ADAMTS19: variants seen among roughly 807,000 people sequenced by gnomAD.
The protein encoded by ADAMTS19 is ADAM metallopeptidase with thrombospondin type 1 motif 19, also known as A disintegrin and metalloproteinase with thrombospondin motifs 19.
A neutral mutation model predicts 153.3 loss-of-function variants in ADAMTS19; 93 were observed. That is an observed-to-expected ratio of 0.61 (90% confidence interval 0.51 to 0.72). The LOEUF is 0.72. ADAMTS19 is among the 30% of genes least tolerant of loss of function. The pLI is 0.00. For missense variants in ADAMTS19, 1,482 were observed against 1,552.1 expected, an observed-to-expected ratio of 0.95 and a Z score of 0.76; for synonymous variants, 600 against 556.6, an observed-to-expected ratio of 1.08 and a Z score of -1.10.
intron 6 of ADAMTS19, among the ~76,000 whole-genome samples, chr5:129,551,428 A>G (rs968590535): frequency 1.3e-5 from 2 of 151,710 alleles, no homozygotes; most frequent in Admixed American, 6.6e-5. Flanking sequence ...CAGTCTTATG[A>G]TAGAAAATAT....
intron 2 of ADAMTS19, among the ~76,000 whole-genome samples, chr5:129,491,842 GTTAC>G (rs970440024): frequency 1.3e-5 from 2 of 152,036 alleles, no homozygotes; most frequent in Admixed American, 1.3e-4. Flanking sequence ...CATAGATTAT[GTTAC>G]TTAATTATTA....
chr5:129,481,221 C>T (rs1207320603), intron 2 of ADAMTS19, among the ~76,000 whole-genome samples: 1 of 152,084 alleles, frequency 6.6e-6, no homozygotes, highest in Non-Finnish European at 1.5e-5. Flanking sequence ...GGAACAGGCA[C>T]CTTCTTCACA....
chr5:129,527,960 C>T, intron 5 of ADAMTS19, 129 bp downstream of exon 5: 1 of 534,952 alleles, frequency 1.9e-6, no homozygotes, highest in Non-Finnish European at 3.3e-6. Flanking sequence ...TTAAAGTATA[C>T]ATAAAACTGG....
At chr5:129,526,696 C>T (rs1467684151) in intron 4 of ADAMTS19, among the ~76,000 whole-genome samples, 1 of 151,688 alleles carries the variant, frequency 6.6e-6, no homozygotes, top group Admixed American at 6.6e-5. Context: ...TTCTATGTTA[C>T]TCTTTTCTCT....
chr5:129,492,929 A>G (rs1324117970), intron 2 of ADAMTS19, among the ~76,000 whole-genome samples: 1 of 152,160 alleles, frequency 6.6e-6, no homozygotes, highest in East Asian at 1.9e-4. Flanking sequence ...TGAATATTAC[A>G]CTATATAGTT....
intron 7 of ADAMTS19, among the ~76,000 whole-genome samples, chr5:129,585,164 C>T (rs1396742949): frequency 2.6e-5 from 4 of 151,776 alleles, no homozygotes; most frequent in African/African-American, 7.2e-5. Flanking sequence ...GTTCCCCAAC[C>T]CCTTGCACTT....
Position 129,671,003 on chromosome 5 carries a change from A to C in ADAMTS19, c.2506+5424A>C, listed in dbSNP as rs148965710. ...TTACTTGTAGAAAGAAACACCATCT[A>C]TGCCCCTAAACAGACTGAATGCTGC... On this transcript the variant is annotated intron_variant, in intron 16 of 22. Transcript: ENST00000274487. Among the ~76,000 whole-genome samples the C allele has an allele frequency of 3.2e-3, 481 of 152,334 alleles. 2 individuals carry two copies. Among genetic ancestry groups the C allele is most frequent in the Middle Eastern group, 0.014 (4 of 294 alleles).
At chr5:129,562,605 C>A (rs77185896) in intron 7 of ADAMTS19, among the ~76,000 whole-genome samples, 1 of 152,094 alleles carries the variant, frequency 6.6e-6, no homozygotes, top group Non-Finnish European at 1.5e-5. Context: ...GATTGATAAT[C>A]AATGGGGATA....
At chr5:129,638,889 A>G (rs1467686760) in intron 10 of ADAMTS19, among the ~76,000 whole-genome samples, 2 of 152,186 alleles carry the variant, frequency 1.3e-5, no homozygotes, top group Admixed American at 6.5e-5. Flanking sequence ...AAATTTTATA[A>G]TATTTGTACA....
At chr5:129,705,443 G>A (rs1756106240) in intron 21 of ADAMTS19, among the ~76,000 whole-genome samples, 1 of 152,166 alleles carries the variant, frequency 6.6e-6, no homozygotes, top group Non-Finnish European at 1.5e-5. Context: ...TCATGATTAT[G>A]TATGCCTTTT....
At chr5:129,686,112 G>A (rs1755076165) in intron 18 of ADAMTS19, among the ~76,000 whole-genome samples, 1 of 152,144 alleles carries the variant, frequency 6.6e-6, no homozygotes, top group South Asian at 2.1e-4. Flanking sequence ...AAAGTCAATG[G>A]TCATGAATTT....
At chr5:129,595,938 T>G (rs1261343392) in intron 7 of ADAMTS19, among the ~76,000 whole-genome samples, 1 of 151,948 alleles carries the variant, frequency 6.6e-6, no homozygotes, top group African/African-American at 2.4e-5. Flanking sequence ...AAAGATCAAA[T>G]ATCTTGCTAA....
chr5:129,579,947 AAGT>A lies in ADAMTS19; in HGVS notation c.1373-16608_1373-16606del, dbSNP rs552778192. ...CTTTTTTGGCTCCATATGAAATTCA[AAGT>A]AGTTTTTTCTAATTCTGTGAAGAAA... On this transcript the variant is annotated intron_variant, in intron 7 of 22. Transcript: ENST00000274487. Among the ~76,000 whole-genome samples the A allele has an allele frequency of 2.6e-5, 4 of 152,206 alleles. No homozygotes were observed. In the South Asian group the frequency reaches 8.3e-4, roughly 32 times the overall value.
chr5:129,535,972 T>G (rs1160367394), intron 6 of ADAMTS19, among the ~76,000 whole-genome samples: 1 of 152,128 alleles, frequency 6.6e-6, no homozygotes, highest in African/African-American at 2.4e-5. Flanking sequence ...GAAGAACACC[T>G]AGGCAATACC....
chr5:129,475,224 A>G (rs1405332651), intron 2 of ADAMTS19, among the ~76,000 whole-genome samples: 1 of 152,060 alleles, frequency 6.6e-6, no homozygotes, highest in African/African-American at 2.4e-5. Context: ...AAAGTTTTAC[A>G]TTCAATCCTA....
At chr5:129,644,559 A>G (rs1752970912) in intron 11 of ADAMTS19, among the ~76,000 whole-genome samples, 1 of 151,980 alleles carries the variant, frequency 6.6e-6, no homozygotes, top group Non-Finnish European at 1.5e-5. Context: ...AGGTTTATAT[A>G]CTCTTTATGG....
At chr5:129,660,902 G>A (rs1025440471) in intron 15 of ADAMTS19, among the ~76,000 whole-genome samples, 2 of 152,016 alleles carry the variant, frequency 1.3e-5, no homozygotes, top group African/African-American at 4.8e-5. Context: ...GTCACACCAA[G>A]GTCCTCTTCC....
chr5:129,591,290 T>A (rs1048064867), intron 7 of ADAMTS19, among the ~76,000 whole-genome samples: 1 of 151,258 alleles, frequency 6.6e-6, no homozygotes, highest in Non-Finnish European at 1.5e-5. Flanking sequence ...ATTTTAAAAT[T>A]ACACTTTTTT....
chr5:129,499,968 A>G (rs1751044726), intron 2 of ADAMTS19, among the ~76,000 whole-genome samples: 1 of 152,148 alleles, frequency 6.6e-6, no homozygotes. Flanking sequence ...CATTAAGTAA[A>G]TAAGACTCAA....
Sources: gnomAD v4.1 joint callset for allele counts (sites outside exome capture counted in the v4.1 genomes callset) on GRCh38, gnomAD v4.1.1 for gene constraint, MANE v1.5 for transcripts, NCBI Gene and HGNC (gene_info 2026-07-23, HGNC 2026-07-21) for gene names.